SLC17A2: variants seen among roughly 807,000 people sequenced by gnomAD.
SLC17A2 encodes the protein solute carrier family 17 member 2, also known as sodium-dependent phosphate transport protein 3.
In SLC17A2, 38 loss-of-function variants were observed where a neutral mutation model predicts 52.1. That is an observed-to-expected ratio of 0.73 (90% CI 0.56 to 0.96). The LOEUF is 0.96. SLC17A2 is among the 40% of genes least tolerant of loss of function. The pLI is 0.00. For synonymous variants in SLC17A2, 226 were observed against 211.9 expected (o/e 1.07, Z -0.58); for missense variants, 508 against 583.9 (o/e 0.87, Z 1.34).
chr6:25,918,423 GT>G, intron 6 of SLC17A2, 63 bp downstream of exon 6: 1 of 976,422 alleles, frequency 1.0e-6, no homozygotes, highest in Non-Finnish European at 1.7e-6. Context: ...AATGTGGGTG[GT>G]GTAGGTGCCA....
In SLC17A2 at chr6:25,912,801, A is replaced by T. The variant is rs999966306; in HGVS notation, c.*516T>A. 10 of 152,342 alleles carry T rather than the reference A, an allele frequency of 6.6e-5. No individual in the cohort carries two copies. Among genetic ancestry groups the T allele is most frequent in the African/African-American group, 2.4e-4 (10 of 41,550 alleles). The allele number at this position is 152,342 out of a possible 1,614,324, so 9.4% of individuals were successfully genotyped here. A position where few individuals can be genotyped will look rare whatever the true frequency, so the allele number is the denominator to read the frequency against. ...TAATAGAATTTAATCACATAAATAA[A>T]CGTCTATGTTTTACAATGTATAAAA... is the stretch of plus-strand genomic sequence containing the variant. On this transcript the variant is annotated 3_prime_UTR_variant, in exon 12 of 12. Coordinates refer to ENST00000377850, the MANE Select transcript of SLC17A2 (RefSeq NM_001286123.3).
rs1766280859 is a variant in SLC17A2 at position 25,915,636 on chromosome 6, A to C, written c.1074T>G (p.Leu358=). ...RKLFSSLGLL[L]PSICAVALPF... ...GCAGGGCCACAGCACATATTGATGG[A>C]AGGAGGAGCCCTGGGCAATGAGGAC... Residue 358 remains leucine (L), a synonymous_variant, in exon 10 of 12, where the codon CTT becomes CTG. Coordinates refer to ENST00000377850, the MANE Select transcript of SLC17A2 (RefSeq NM_001286123.3). The C allele has an allele frequency of 1.2e-6, 2 of 1,613,862 alleles. No individual in the cohort carries two copies. The highest frequency in any genetic ancestry group is 4.5e-5 in the East Asian group (2 of 44,886).
chr6:25,917,448 A>C (rs1335964365), intron 6 of SLC17A2, among the ~76,000 whole-genome samples: 1 of 152,234 alleles, frequency 6.6e-6, no homozygotes, highest in East Asian at 1.9e-4. Context: ...GGAAGATCTG[A>C]ATAGTCAGGT....
rs1766352099 is a variant in SLC17A2 at position 25,917,031 on chromosome 6, T to G, written c.706A>C (p.Met236Leu). The G allele has an allele frequency of 6.2e-7, 1 of 1,614,144 alleles. No individual in the cohort carries two copies. Among genetic ancestry groups the G allele is most frequent in the South Asian group, 1.1e-5 (1 of 91,078 alleles). ...CTAACACTTATGCACGGGTGATGCA[T>G]GGGGTCATCATAAATCACTGTGAAC... Reference protein sequence around the residue: ...LWFTVIYDDPMHHPCISVREK... With the variant: ...LWFTVIYDDPLHHPCISVREK... Residue 236 changes from methionine to leucine, a missense_variant, in exon 7 of 12, where the codon ATG becomes CTG. Transcript: ENST00000377850.
intron 3 of SLC17A2, 38 bp from the exon 4 acceptor site, chr6:25,921,450 C>A: frequency 6.8e-7 from 1 of 1,460,168 alleles, no homozygotes; most frequent in South Asian, 1.2e-5. Flanking sequence ...TCAAGAAGTC[C>A]TATTATGAAA....
chr6:25,915,177 A>ATATATATATATATATATATG (rs1554137783), intron 10 of SLC17A2, among the ~76,000 whole-genome samples: 1,241 of 107,846 alleles, frequency 0.012, 137 homozygotes, highest in Non-Finnish European at 0.019. Flanking sequence ...ATATATATAT[A>ATATATATATATATATATATG]TGGTAGCTAA....
chr6:25,921,319 A>C lies in SLC17A2; in HGVS notation c.334T>G (p.Leu112Val), dbSNP rs1351767001. ...IILTLIPSGYLAGIFGAKKML... is the reference protein window; with the variant it reads ...IILTLIPSGYVAGIFGAKKML... ...TTTTTTGCTCCAAATATCCCTGCTA[A>C]ATATCCACTTGGGATCAGAGTCAGT... Residue 112 changes from leucine to valine, a missense_variant, in exon 4 of 12, where the codon TTA becomes GTA. Coordinates refer to ENST00000377850, the MANE Select transcript of SLC17A2 (RefSeq NM_001286123.3). The C allele has an allele frequency of 6.2e-7, 1 of 1,614,194 alleles. No homozygotes were observed.
chr6:25,921,569 C>G (rs1168477074), intron 3 of SLC17A2, among the ~76,000 whole-genome samples, 157 bp from the exon 4 acceptor site: 3 of 146,454 alleles, frequency 2.0e-5, no homozygotes, highest in Non-Finnish European at 4.5e-5. Context: ...CAATTATACC[C>G]CTAATTTGCT....
intron 2 of SLC17A2, among the ~76,000 whole-genome samples, chr6:25,924,869 G>A (rs1766702043): frequency 6.6e-6 from 1 of 151,868 alleles, no homozygotes; most frequent in African/African-American, 2.4e-5. Flanking sequence ...GTGATGTGGT[G>A]CTGGAAGATA....
intron 1 of SLC17A2, among the ~76,000 whole-genome samples, chr6:25,930,033 G>A (rs898825223): frequency 6.6e-6 from 1 of 152,184 alleles, no homozygotes; most frequent in Non-Finnish European, 1.5e-5. Flanking sequence ...GGCCAGGCTG[G>A]TCTCAAACTC....
chr6:25,914,364 G>A (rs569947134), intron 11 of SLC17A2, among the ~76,000 whole-genome samples: 6 of 152,220 alleles, frequency 3.9e-5, no homozygotes, highest in Non-Finnish European at 5.9e-5. Context: ...CTTCTGCACC[G>A]GAACAGCTCA....
rs959326714 is a variant in SLC17A2, at chr6:25,923,818, G to A, written c.117C>T (p.Ser39=). ...FTMITQRVSL[S]IAIIAMVNTT... is the part of the protein sequence containing the mutation. ...TGTTCACCATGGCGATGATCGCAAT[G>A]CTCAGACTCACACGCTGCGTTATCA... Residue 39 remains serine, a synonymous_variant, in exon 3 of 12, where the codon AGC becomes AGT. Coordinates refer to ENST00000377850, the MANE Select transcript of SLC17A2 (RefSeq NM_001286123.3). 9 of 1,614,190 alleles carry A rather than the reference G, an allele frequency of 5.6e-6. No homozygotes were observed. Among genetic ancestry groups the A allele is most frequent in the Non-Finnish European group, 7.6e-6 (9 of 1,180,026 alleles).
chr6:25,920,897 T>C, intron 5 of SLC17A2, 109 bp downstream of exon 5: 1 of 980,638 alleles, frequency 1.0e-6, no homozygotes. Flanking sequence ...TTGTTGAATT[T>C]TTCAGCAGTA....
At chr6:25,913,802 GT>G (rs1766196513) in intron 11 of SLC17A2, among the ~76,000 whole-genome samples, 1 of 143,200 alleles carries the variant, frequency 7.0e-6, no homozygotes, top group Admixed American at 7.1e-5. Context: ...GTTGCTGTTT[GT>G]TTTGTTTTTT....
chr6:25,917,216 A>C, intron 6 of SLC17A2, 129 bp from the exon 7 acceptor site: 1 of 692,284 alleles, frequency 1.4e-6, no homozygotes, highest in Non-Finnish European at 2.6e-6. Flanking sequence ...ATAAGGACCT[A>C]AATGTTCCCA....
At chr6:25,914,807 T>G in intron 10 of SLC17A2, 137 bp from the exon 11 acceptor site, 1 of 611,286 alleles carries the variant, frequency 1.6e-6, no homozygotes, top group Non-Finnish European at 2.9e-6. Context: ...CCTAAAGACA[T>G]TCAGGGCAAT....
intron 11 of SLC17A2, among the ~76,000 whole-genome samples, chr6:25,913,807 G>GTT (rs71544657): frequency 2.1e-5 from 3 of 144,488 alleles, no homozygotes; most frequent in Non-Finnish European, 3.1e-5. Context: ...TGTTTGTTTT[G>GTT]TTTTTTTTTG....
At chr6:25,917,421 A>G (rs973438472) in intron 6 of SLC17A2, among the ~76,000 whole-genome samples, 6 of 152,256 alleles carry the variant, frequency 3.9e-5, no homozygotes, top group African/African-American at 1.2e-4. Flanking sequence ...TAATGCACAC[A>G]TAAGTTGTCT....
chr6:25,921,564 A>T (rs1434975754), intron 3 of SLC17A2, 152 bp from the exon 4 acceptor site: 1 of 601,082 alleles, frequency 1.7e-6, no homozygotes. Flanking sequence ...ATAACCAATT[A>T]TACCCCTAAT....
Sources: gnomAD v4.1 joint callset for allele counts (sites outside exome capture counted in the v4.1 genomes callset) on GRCh38, gnomAD v4.1.1 for gene constraint, MANE v1.5 for transcripts, NCBI Gene and HGNC (gene_info 2026-07-23, HGNC 2026-07-21) for gene names.